Variants in VPS35L observed in about 807,000 individuals in gnomAD.
VPS35L encodes the protein VPS35 endosomal protein-sorting factor-like.
In VPS35L, 83 loss-of-function variants were observed where a neutral mutation model predicts 133.0. That is an observed-to-expected ratio of 0.62 (90% CI 0.52 to 0.75). VPS35L has a LOEUF of 0.75. Among genes scored for constraint, VPS35L ranks in the 30% least tolerant of loss-of-function variants. The pLI, the probability that VPS35L is intolerant of heterozygous loss-of-function variation, is 0.00. For synonymous variants in VPS35L, 423 were observed against 449.9 expected (o/e 0.94, Z 0.76); for missense variants, 1,083 against 1,206.8 (o/e 0.90, Z 1.52).
chr16:19,631,442 C>T (rs1227317418), intron 18 of VPS35L, among the ~76,000 whole-genome samples: 1 of 152,098 alleles, frequency 6.6e-6, no homozygotes, highest in African/African-American at 2.4e-5. Flanking sequence ...ATTGATGTTG[C>T]CTCGTTTTGA....
intron 24 of VPS35L, among the ~76,000 whole-genome samples, 157 bp downstream of exon 24, chr16:19,648,039 G>GA (rs1974007708): frequency 6.6e-6 from 1 of 152,054 alleles, no homozygotes; most frequent in South Asian, 2.1e-4. Context: ...CTGTAGCCTT[G>GA]AACTCCTGGG....
At chr16:19,693,035 G>T (rs545444899) in intron 29 of VPS35L, among the ~76,000 whole-genome samples, 1 of 152,308 alleles carries the variant, frequency 6.6e-6, no homozygotes, top group Admixed American at 6.5e-5. Flanking sequence ...CTGGGGGCCC[G>T]TAGCACCTTC....
chr16:19,666,913 TTTC>T (rs1466269716), intron 26 of VPS35L, among the ~76,000 whole-genome samples: 3 of 102,654 alleles, frequency 2.9e-5, no homozygotes, highest in African/African-American at 4.3e-5. Context: ...TCTTTCTTTC[TTTC>T]TTTCTTTCTT....
chr16:19,604,498 T>C (rs960555368), intron 9 of VPS35L, among the ~76,000 whole-genome samples: 7 of 152,248 alleles, frequency 4.6e-5, no homozygotes, highest in African/African-American at 1.7e-4. Context: ...TTTGGTTTTT[T>C]TTTCTTTAAA....
At position 19,699,775 on chromosome 16, in the gene VPS35L, C is replaced by T; in HGVS notation, c.2793+127C>T. ...TCCCCTTTTAGAAAAGCACTTGGTC[C>T]ATTTCTACTGGATCACTTCCTAGCA... On this transcript the variant is annotated intron_variant, in intron 30 of 30. Transcript: ENST00000417362. This position sits in a 1 kb window ranked among gnomAD's most constrained non-coding sequence, Gnocchi z 4.2. 5 of 1,256,852 alleles carry T rather than the reference C, an allele frequency of 4.0e-6. No homozygotes were observed. Among genetic ancestry groups the T allele is most frequent in the Non-Finnish European group, 5.5e-6 (5 of 905,876 alleles). The allele number at this position is 1,256,852 out of a possible 1,614,324, so 77.9% of individuals were successfully genotyped here.
At chr16:19,619,741 A>C (rs1404382806) in intron 14 of VPS35L, among the ~76,000 whole-genome samples, 2 of 152,218 alleles carry the variant, frequency 1.3e-5, no homozygotes, top group Non-Finnish European at 2.9e-5. Flanking sequence ...CTGAATAATA[A>C]TAAACTCTGA....
At chr16:19,621,291 G>T (rs1973071958) in intron 14 of VPS35L, among the ~76,000 whole-genome samples, 2 of 152,206 alleles carry the variant, frequency 1.3e-5, no homozygotes, top group Non-Finnish European at 1.5e-5. Context: ...AAACACCAAA[G>T]TGTTGACAGT....
chr16:19,684,325 A>G (rs1248590347), intron 28 of VPS35L, among the ~76,000 whole-genome samples: 2 of 152,194 alleles, frequency 1.3e-5, no homozygotes, highest in Admixed American at 1.3e-4. Context: ...CTTAATGTCA[A>G]AAGTGCTTTG....
At chr16:19,698,045 CTGTT>C (rs1975976937) in intron 29 of VPS35L, among the ~76,000 whole-genome samples, 1 of 152,194 alleles carries the variant, frequency 6.6e-6, no homozygotes, top group Admixed American at 6.5e-5. Flanking sequence ...TTTGATCTCA[CTGTT>C]TGGTAGGTGA....
At chr16:19,570,879 A>AT (rs1567388832) in intron 3 of VPS35L, among the ~76,000 whole-genome samples, 1 of 57,638 alleles carries the variant, frequency 1.7e-5, no homozygotes, top group African/African-American at 9.0e-5. Flanking sequence ...ATATATATAT[A>AT]TATATATATA....
chr16:19,565,518 AT>A (rs546384881), intron 2 of VPS35L, among the ~76,000 whole-genome samples: 1 of 149,814 alleles, frequency 6.7e-6, no homozygotes, highest in Non-Finnish European at 1.5e-5. Flanking sequence ...AATTTTTGCT[AT>A]TTTTTTTATT....
chr16:19,598,549 C>T (rs903958640), intron 8 of VPS35L, among the ~76,000 whole-genome samples: 4 of 152,084 alleles, frequency 2.6e-5, no homozygotes, highest in Admixed American at 2.0e-4. Context: ...TTTGGGAAGC[C>T]AGTGCAGAAG....
intron 26 of VPS35L, among the ~76,000 whole-genome samples, chr16:19,666,230 G>A (rs908101818): frequency 2.0e-5 from 3 of 151,906 alleles, no homozygotes; most frequent in Non-Finnish European, 2.9e-5. Context: ...TGCTTGTGGG[G>A]TATTACTCAA....
chr16:19,692,902 T>C (rs71384424), intron 29 of VPS35L, among the ~76,000 whole-genome samples: 17,333 of 152,210 alleles, frequency 0.11, 1,145 homozygotes, highest in South Asian at 0.2. Flanking sequence ...AAGCGTGTGT[T>C]TGAGAGAGTA....
chr16:19,697,828 G>A (rs946411017), intron 29 of VPS35L, among the ~76,000 whole-genome samples: 8 of 152,222 alleles, frequency 5.3e-5, no homozygotes, highest in African/African-American at 1.9e-4. Flanking sequence ...GGCCTGGAGA[G>A]GGCTGTGAGT....
Position 19,628,771 on chromosome 16 carries a change from TTTTATTTTTATTTA to T in VPS35L, c.1500+26_1500+39del. The T allele has an allele frequency of 9.8e-7, 1 of 1,016,830 alleles. No homozygotes were observed. The highest frequency in any genetic ancestry group is 1.3e-6 in the Non-Finnish European group (1 of 746,958). 63.0% of individuals were successfully genotyped at this position (1,016,830 alleles called of 1,614,324 possible). ...ACCCACAGGTGAGTGGCCATTTTATTTTTATTTTTATTTATTTATTTATTTATTTATTTATTTTG... is the reference window on the plus strand; with the variant it reads ...ACCCACAGGTGAGTGGCCATTTTATTTTTATTTATTTATTTATTTATTTTG... On this transcript the variant is annotated intron_variant, in intron 17 of 30. Coordinates refer to ENST00000417362, the MANE Select transcript of VPS35L (RefSeq NM_020314.7).
rs113319519 is a variant in VPS35L at position 19,597,886 on chromosome 16, A to G, written c.725-3778A>G. Among the ~76,000 whole-genome samples the G allele has an allele frequency of 8.6e-4, 131 of 152,314 alleles. 1 individual carries two copies. The highest frequency in any genetic ancestry group is 3.0e-3 in the African/African-American group (126 of 41,562). On this transcript the variant is annotated intron_variant, in intron 8 of 30. Coordinates refer to ENST00000417362, the MANE Select transcript of VPS35L (RefSeq NM_020314.7). Reference sequence around the variant, plus strand: ...GCACATGGTCATTACTCTGCTCTAAAAGAAGATGCATGACAGTATAGGGAC... The same window carrying G: ...GCACATGGTCATTACTCTGCTCTAAGAGAAGATGCATGACAGTATAGGGAC...
intron 26 of VPS35L, among the ~76,000 whole-genome samples, chr16:19,665,193 T>A (rs549476562): frequency 1.2e-4 from 18 of 152,210 alleles, no homozygotes; most frequent in Non-Finnish European, 2.6e-4. Flanking sequence ...TCAGTTATAT[T>A]CTTTCAGTTA....
intron 26 of VPS35L, among the ~76,000 whole-genome samples, chr16:19,664,769 A>G (rs1231089668): frequency 6.6e-6 from 1 of 151,876 alleles, no homozygotes; most frequent in Non-Finnish European, 1.5e-5. Flanking sequence ...GCACGGTGGC[A>G]TGTGCCTGTA....
Sources: gnomAD v4.1 joint callset for allele counts (sites outside exome capture counted in the v4.1 genomes callset) on GRCh38, gnomAD v4.1.1 for gene constraint, Gnocchi (gnomAD v3.1) non-coding constraint, MANE v1.5 for transcripts, NCBI Gene and HGNC (gene_info 2026-07-23, HGNC 2026-07-21) for gene names.